The following REPS2 variants were observed in gnomAD, a reference collection of about 807,000 sequenced individuals.
The protein encoded by REPS2 is RALBP1 associated Eps domain containing 2, also known as ralBP1-associated Eps domain-containing protein 2.
In REPS2, 23 loss-of-function variants were observed where a neutral mutation model predicts 53.6. The observed-to-expected ratio is 0.43, with a 90% CI of 0.31 to 0.61. The LOEUF is 0.61. Among genes scored for constraint, REPS2 ranks in the 20% least tolerant of loss-of-function variants. The pLI is 0.11. For synonymous variants in REPS2, 238 were observed against 218.6 expected (o/e 1.09, Z -0.78); for missense variants, 446 against 534.9 (o/e 0.83, Z 1.64).
At chrX:17,187,928 C>T in the REPS2 span, among the ~76,000 whole-genome samples, 3 of 112,618 alleles carry the variant, frequency 2.7e-5, no homozygotes, top group Admixed American at 9.4e-5. Flanking sequence ...AATAAATATA[C>T]AAAATATAAA....
the REPS2 span, among the ~76,000 whole-genome samples, chrX:17,190,829 T>C: frequency 5.3e-5 from 6 of 112,162 alleles, no homozygotes; most frequent in Admixed American, 9.4e-5. Flanking sequence ...ATACAGTCCA[T>C]TGATTTTCAT....
rs2063350619 is a variant in REPS2, at chrX:17,135,268, T to C, written c.1670T>C (p.Leu557Pro). ...AESSPAKKDVLYSQPPSKPIR... is the reference protein window; with the variant it reads ...AESSPAKKDVPYSQPPSKPIR... ...TTTGTTTTAAATCCACAGGATGTAC[T>C]GTATTCTCAGCCACCATCAAAGCCC... The change falls in exon 16 of 18, where the codon CTG becomes CCG. Residue 557 changes from leucine to proline, a missense_variant. Physicochemically the swap from Leu to Pro is moderately conservative, Grantham distance 98. Transcript: ENST00000357277. 8.3e-7 allele frequency: 1 copy of C among 1,209,980 alleles called. No homozygotes were observed. The highest frequency in any genetic ancestry group is 1.8e-5 in the South Asian group (1 of 56,587).
rs779611950 is a variant in REPS2, at chrX:16,971,102, C to A, written c.273+23968C>A. On this transcript the variant is annotated intron_variant, in intron 1 of 17. Coordinates refer to ENST00000357277, the MANE Select transcript of REPS2 (RefSeq NM_004726.3). Reference sequence around the variant, plus strand: ...CAAAGCTGCTGTACTATTTGACATTCTTGTGAGCAATATATGAGGGTTCCA... The same window carrying A: ...CAAAGCTGCTGTACTATTTGACATTATTGTGAGCAATATATGAGGGTTCCA... Among the ~76,000 whole-genome samples, 5 of 112,387 alleles carry A rather than the reference C, an allele frequency of 4.4e-5. No individual in the cohort carries two copies. The South Asian group carries it at 1.5e-3, about 33-fold the overall frequency.
At chrX:17,108,960 C>A (rs1603042224) in intron 14 of REPS2, among the ~76,000 whole-genome samples, 1 of 99,128 alleles carries the variant, frequency 1.0e-5, no homozygotes, top group Non-Finnish European at 2.0e-5. Context: ...CAGAGCTTTA[C>A]TGCAGATTTA....
chrX:17,148,875 T>C lies in REPS2; in HGVS notation c.*1394T>C, dbSNP rs1179205194. On this transcript the variant is annotated 3_prime_UTR_variant, in exon 18 of 18. Coordinates refer to ENST00000357277, the MANE Select transcript of REPS2 (RefSeq NM_004726.3). ...GGTAGCAGGGTGGGGGTGTATAGGGTCTTTTTGAAGCAGTTTTGGATAGGT... is the reference window on the plus strand; with the variant it reads ...GGTAGCAGGGTGGGGGTGTATAGGGCCTTTTTGAAGCAGTTTTGGATAGGT... The C allele has an allele frequency of 2.7e-6, 1 of 369,709 alleles. No individual in the cohort carries two copies. The highest frequency in any genetic ancestry group is 5.2e-6 in the Non-Finnish European group (1 of 190,756). 30.5% of individuals were successfully genotyped at this position (369,709 alleles called of 1,213,427 possible).
intron 1 of REPS2, among the ~76,000 whole-genome samples, chrX:16,964,936 G>A (rs1264091818): frequency 2.7e-5 from 2 of 73,156 alleles, no homozygotes; most frequent in Admixed American, 1.4e-4. Context: ...CCTCCCTCCC[G>A]GACGGGGCGG....
intron 14 of REPS2, among the ~76,000 whole-genome samples, chrX:17,117,049 T>C (rs1292468803): frequency 2.7e-5 from 3 of 111,611 alleles, no homozygotes; most frequent in Non-Finnish European, 5.6e-5. Flanking sequence ...CTGGTGCAGG[T>C]GTCAGGGGTC....
chrX:17,026,911 CT>C (rs2061652410), intron 4 of REPS2, among the ~76,000 whole-genome samples: 2 of 111,508 alleles, frequency 1.8e-5, no homozygotes, highest in Non-Finnish European at 3.8e-5. Flanking sequence ...CCTCAGCCTC[CT>C]GAGTTGGTGG....
chrX:16,994,430 C>CAT (rs765151561), intron 1 of REPS2, among the ~76,000 whole-genome samples: 2 of 110,294 alleles, frequency 1.8e-5, no homozygotes, highest in South Asian at 7.6e-4. Flanking sequence ...TGCACACACA[C>CAT]ATATATATAC....
chrX:17,078,227 T>G (rs925940431), intron 13 of REPS2, among the ~76,000 whole-genome samples: 21 of 112,204 alleles, frequency 1.9e-4, no homozygotes, highest in African/African-American at 4.9e-4. Flanking sequence ...TTCCTGGAAC[T>G]TTTTCTCCAT....
chrX:17,175,422 A>G, the REPS2 span, among the ~76,000 whole-genome samples: 2 of 112,650 alleles, frequency 1.8e-5, no homozygotes, highest in African/African-American at 6.5e-5. Flanking sequence ...CATCACTAGC[A>G]AAGGACAAAA....
intron 1 of REPS2, among the ~76,000 whole-genome samples, chrX:16,983,989 AC>A (rs2061056949): frequency 8.9e-6 from 1 of 112,841 alleles, no homozygotes; most frequent in African/African-American, 3.2e-5. Context: ...TGAAGGTAAT[AC>A]CTGATTTCTA....
chrX:17,148,530 GT>G lies in REPS2; in HGVS notation c.*1050del, dbSNP rs1037981055. ...GGTATGAGGAGATAATGAAAGAAAA[GT>G]GGTCCTCATGCTGGATATGTGACTG... is the stretch of plus-strand genomic sequence containing the variant. On this transcript the variant is annotated 3_prime_UTR_variant, in exon 18 of 18. Coordinates refer to ENST00000357277, the MANE Select transcript of REPS2 (RefSeq NM_004726.3). The G allele has an allele frequency of 8.8e-6, 1 of 114,181 alleles. No homozygotes were observed. The highest frequency in any genetic ancestry group is 1.8e-5 in the Non-Finnish European group (1 of 54,667). The allele number at this position is 114,181 out of a possible 1,213,427, so 9.4% of individuals were successfully genotyped here. A position where few individuals can be genotyped will look rare whatever the true frequency, so the allele number is the denominator to read the frequency against.
chrX:17,181,224 A>C, the REPS2 span, among the ~76,000 whole-genome samples: 1 of 111,965 alleles, frequency 8.9e-6, no homozygotes, highest in African/African-American at 3.3e-5. Flanking sequence ...TCTCACTGTG[A>C]CCTCTAAGGG....
chrX:17,002,255 A>G (rs2061316845), intron 1 of REPS2, among the ~76,000 whole-genome samples: 1 of 111,136 alleles, frequency 9.0e-6, no homozygotes, highest in Admixed American at 9.5e-5. Context: ...GTGTGTATGT[A>G]GAATAGGTGA....
chrX:17,088,000 G>C (rs2062564230), intron 13 of REPS2, among the ~76,000 whole-genome samples: 1 of 110,210 alleles, frequency 9.1e-6, no homozygotes, highest in Non-Finnish European at 1.9e-5. Context: ...AAGATAGATA[G>C]ATAGAGGTAG....
chrX:17,060,077 G>A (rs1169104836), intron 8 of REPS2, among the ~76,000 whole-genome samples: 1 of 110,706 alleles, frequency 9.0e-6, no homozygotes, highest in East Asian at 2.9e-4. Flanking sequence ...GAGGCAGGAG[G>A]ATCAATTGAG....
At chrX:17,084,462 A>AT (rs113489432) in intron 13 of REPS2, among the ~76,000 whole-genome samples, 2,828 of 112,157 alleles carry the variant, frequency 0.025, 93 homozygotes, top group African/African-American at 0.089. Context: ...TATGTTGAAC[A>AT]TTTTGAGGAG....
chrX:17,052,107 G>C (rs980664836), intron 6 of REPS2, among the ~76,000 whole-genome samples: 4 of 112,089 alleles, frequency 3.6e-5, no homozygotes, highest in African/African-American at 9.7e-5. Context: ...GCAGATTTTG[G>C]TAAAAATGAA....
Sources: gnomAD v4.1 joint callset for allele counts (sites outside exome capture counted in the v4.1 genomes callset) on GRCh38, gnomAD v4.1.1 for gene constraint, MANE v1.5 for transcripts, NCBI Gene and HGNC (gene_info 2026-07-23, HGNC 2026-07-21) for gene names.